The following TMEM40 variants were observed in gnomAD, a reference collection of about 807,000 sequenced individuals.
TMEM40 encodes the protein transmembrane protein 40.
In TMEM40, 34 loss-of-function variants were observed where a neutral mutation model predicts 40.8. The observed-to-expected ratio is 0.83, with a 90% confidence interval of 0.63 to 1.11. The LOEUF is 1.11. TMEM40 is among the 50% of genes least tolerant of loss of function. The pLI is 0.00. For missense variants in TMEM40, 296 were observed against 280.2 expected (o/e 1.06, Z -0.40); for synonymous variants, 106 against 107.0 (o/e 0.99, Z 0.06).
Position 12,755,233 on chromosome 3 carries a change from C to CTCTCTCTT in TMEM40, c.-9+3957_-9+3958insAAGAGAGA, listed in dbSNP as rs1553634013. ...TTTCTTTCTCTCTCTCTCTCTCTCT[C>CTCTCTCTT]TCTTTCTTTCTTTCTTTCTTTCTTT... is the stretch of plus-strand genomic sequence containing the variant. On this transcript the variant is annotated intron_variant, in intron 1 of 11. Transcript: ENST00000314124. 8.1e-3 allele frequency among the ~76,000 whole-genome samples: 488 copies of CTCTCTCTT among 59,916 alleles called. 6 individuals carry two copies. The highest frequency in any genetic ancestry group is 9.4e-3 in the Non-Finnish European group (282 of 29,976). 39.3% of individuals were successfully genotyped at this position (59,916 alleles called of 152,430 possible). A position where few individuals can be genotyped will look rare whatever the true frequency, so the allele number is the denominator to read the frequency against.
At chr3:12,756,132 A>G (rs1443069369) in intron 1 of TMEM40, among the ~76,000 whole-genome samples, 1 of 152,212 alleles carries the variant, frequency 6.6e-6, no homozygotes, top group African/African-American at 2.4e-5. Flanking sequence ...CACAAACTCA[A>G]AATACACAAT....
intron 1 of TMEM40, among the ~76,000 whole-genome samples, chr3:12,751,855 T>C (rs926055204): frequency 6.6e-5 from 10 of 152,288 alleles, no homozygotes; most frequent in Non-Finnish European, 1.3e-4. Context: ...TGATGTCAGA[T>C]AGACCGAAGT....
At chr3:12,754,103 G>A (rs1176424604) in intron 1 of TMEM40, among the ~76,000 whole-genome samples, 1 of 152,212 alleles carries the variant, frequency 6.6e-6, no homozygotes, top group Non-Finnish European at 1.5e-5. Context: ...ATCAGGTCAG[G>A]AGATCGAGAC....
At chr3:12,748,180 A>G (rs962196950) in intron 3 of TMEM40, among the ~76,000 whole-genome samples, 1 of 152,194 alleles carries the variant, frequency 6.6e-6, no homozygotes, top group African/African-American at 2.4e-5. Context: ...ATGAGGTATT[A>G]TGTATTGCTC....
intron 4 of TMEM40, among the ~76,000 whole-genome samples, chr3:12,742,780 A>C (rs2061393800): frequency 6.6e-6 from 1 of 152,306 alleles, no homozygotes; most frequent in South Asian, 2.1e-4. Flanking sequence ...TATACTGGGC[A>C]CTAGCATGCA....
At chr3:12,767,196 G>A (rs998073922) in intron 1 of TMEM40, among the ~76,000 whole-genome samples, 1 of 152,138 alleles carries the variant, frequency 6.6e-6, no homozygotes, top group African/African-American at 2.4e-5. Context: ...AAAAGTTGGG[G>A]GGTCAGTTGC....
intron 1 of TMEM40, among the ~76,000 whole-genome samples, chr3:12,750,926 A>T (rs1242654836): frequency 6.6e-6 from 1 of 151,490 alleles, no homozygotes; most frequent in Non-Finnish European, 1.5e-5. Flanking sequence ...GGCAAACATC[A>T]CCCCCCATTT....
At chr3:12,742,374 C>A (rs973351007) in intron 5 of TMEM40, 80 bp downstream of exon 5, 1 of 1,538,860 alleles carries the variant, frequency 6.5e-7, no homozygotes, top group African/African-American at 1.4e-5. Context: ...GAATCACCCT[C>A]ATGACCTTGT....
chr3:12,762,526 T>C (rs1422114206), upstream of TMEM40, among the ~76,000 whole-genome samples: 1 of 152,136 alleles, frequency 6.6e-6, no homozygotes, highest in Non-Finnish European at 1.5e-5. Context: ...GGGGAGAGCC[T>C]ACAGAGTGAG....
intron 1 of TMEM40, among the ~76,000 whole-genome samples, chr3:12,768,570 C>A (rs2106625808): frequency 6.6e-6 from 1 of 152,118 alleles, no homozygotes; most frequent in Non-Finnish European, 1.5e-5. Flanking sequence ...AGAGTGCCGA[C>A]TGGTGCATCC....
At chr3:12,768,534 A>G (rs1013154390) in intron 1 of TMEM40, among the ~76,000 whole-genome samples, 1 of 151,984 alleles carries the variant, frequency 6.6e-6, no homozygotes, top group African/African-American at 2.4e-5. Flanking sequence ...AAGATTCTCC[A>G]AGTCCCCACC....
In TMEM40 at chr3:12,736,750, G is replaced by T. The variant is rs776848387; in HGVS notation, c.544+14C>A. ...CCATCCCCCTTGTGCATTCCCCAGG[G>T]CACCTCCCCTCACCTGCGTAATAGT... On this transcript the variant is annotated intron_variant, in intron 9 of 11. Coordinates refer to ENST00000314124, the MANE Select transcript of TMEM40 (RefSeq NM_018306.4). 6.2e-7 allele frequency: 1 copy of T among 1,614,074 alleles called. No homozygotes were observed. Among genetic ancestry groups the T allele is most frequent in the Non-Finnish European group, 8.5e-7 (1 of 1,180,008 alleles).
At chr3:12,754,347 T>C (rs1347592324) in intron 1 of TMEM40, among the ~76,000 whole-genome samples, 1 of 151,892 alleles carries the variant, frequency 6.6e-6, no homozygotes, top group Non-Finnish European at 1.5e-5. Flanking sequence ...AACAAAATAA[T>C]GGCTGTACAG....
In TMEM40 at chr3:12,733,983, C is replaced by G. The variant is rs1259862199; in HGVS notation, c.*791G>C. ...GCAGTGGCTTGATCGTACCTCACTG[C>G]AGCCCTGAACTCCTGGGCTCAAGCA... On this transcript the variant is annotated 3_prime_UTR_variant, in exon 12 of 12. Coordinates refer to ENST00000314124, the MANE Select transcript of TMEM40 (RefSeq NM_018306.4). The G allele has an allele frequency of 6.6e-6, 1 of 151,440 alleles. No individual in the cohort carries two copies. Among genetic ancestry groups the G allele is most frequent in the Non-Finnish European group, 1.5e-5 (1 of 68,030 alleles). The allele number at this position is 151,440 out of a possible 1,614,324, so 9.4% of individuals were successfully genotyped here.
intron 3 of TMEM40, among the ~76,000 whole-genome samples, chr3:12,746,317 T>A (rs2061428181): frequency 1.3e-5 from 2 of 152,210 alleles, no homozygotes; most frequent in South Asian, 4.1e-4. Flanking sequence ...AGTAAATATT[T>A]GTTAAATAAA....
rs935284406 is a variant in TMEM40 at position 12,737,746 on chromosome 3, C to G, written c.433G>C (p.Glu145Gln). 1 of 1,614,016 alleles carries G rather than the reference C, an allele frequency of 6.2e-7. No homozygotes were observed. Among genetic ancestry groups the G allele is most frequent in the Admixed American group, 1.7e-5 (1 of 60,012 alleles). The change falls in exon 8 of 12, where the codon GAG (glutamate) becomes CAG (glutamine). Residue 145 changes from glutamate to glutamine, a missense_variant. Coordinates refer to ENST00000314124, the MANE Select transcript of TMEM40 (RefSeq NM_018306.4). ...TTCAGTCTTCTTAACTGAGAGGCCT[C>G]CACTTCTCCTTAAGAACAAGAGAGA... is the stretch of plus-strand genomic sequence containing the variant. ...RGSDPASGEV[E>Q]ASQLRRLNIK...
chr3:12,760,286 C>T (rs9865548), upstream of TMEM40, among the ~76,000 whole-genome samples: 58,997 of 151,984 alleles, frequency 0.39, 12,362 homozygotes, highest in Non-Finnish European at 0.48. Flanking sequence ...TGTCCCTCCC[C>T]GCTCAGCAGC....
chr3:12,753,477 G>A (rs1325067883), intron 1 of TMEM40, among the ~76,000 whole-genome samples: 1 of 151,848 alleles, frequency 6.6e-6, no homozygotes, highest in Non-Finnish European at 1.5e-5. Flanking sequence ...TCCCGCCTTG[G>A]TCTCCCGAAG....
intron 10 of TMEM40, 81 bp from the exon 11 acceptor site, chr3:12,735,698 C>T (rs1363026058): frequency 8.4e-7 from 1 of 1,186,538 alleles, no homozygotes; most frequent in African/African-American, 1.5e-5. Flanking sequence ...AAGGGCCTAA[C>T]TCATGCAAAC....
Sources: gnomAD v4.1 joint callset for allele counts (sites outside exome capture counted in the v4.1 genomes callset) on GRCh38, gnomAD v4.1.1 for gene constraint, MANE v1.5 for transcripts, NCBI Gene and HGNC (gene_info 2026-07-23, HGNC 2026-07-21) for gene names.